ADARB2: variants seen among roughly 807,000 people sequenced by gnomAD.
The protein encoded by ADARB2 is inactive double-stranded RNA-specific editase B2.
ADARB2 carries 25 observed loss-of-function variants against 62.2 expected under a neutral mutation model. The observed-to-expected ratio is 0.40, with a 90% CI of 0.29 to 0.56. The LOEUF is 0.56. Ranked by LOEUF, ADARB2 falls within the 20% of genes least tolerant of loss-of-function variation. The pLI is 0.43. For synonymous variants in ADARB2, 572 were observed against 500.8 expected, an observed-to-expected ratio of 1.14 and a Z score of -1.90; for missense variants, 1,071 against 1,077.4, an observed-to-expected ratio of 0.99 and a Z score of 0.08.
chr10:1,408,486 G>A (rs1832726440), intron 1 of ADARB2, among the ~76,000 whole-genome samples: 1 of 152,062 alleles, frequency 6.6e-6, no homozygotes, highest in Admixed American at 6.5e-5. Flanking sequence ...GAGCGAAAGG[G>A]AGTCAAGAAT....
chr10:1,293,579 C>A (rs1589181669), intron 3 of ADARB2, among the ~76,000 whole-genome samples: 1 of 152,292 alleles, frequency 6.6e-6, no homozygotes, highest in African/African-American at 2.4e-5. Flanking sequence ...AACTATTATA[C>A]CAGTGGAAGT....
chr10:1,599,179 T>G (rs973575071), intron 1 of ADARB2, among the ~76,000 whole-genome samples: 3 of 152,208 alleles, frequency 2.0e-5, no homozygotes, highest in Admixed American at 2.0e-4. Context: ...CGGGCCATCC[T>G]CCCTGCAGCG....
At chr10:1,514,333 A>G (rs917181526) in intron 1 of ADARB2, among the ~76,000 whole-genome samples, 10 of 151,584 alleles carry the variant, frequency 6.6e-5, no homozygotes, top group South Asian at 2.1e-4. Context: ...TAAACCACAC[A>G]CTTCCACGGC....
intron 4 of ADARB2, among the ~76,000 whole-genome samples, chr10:1,251,048 A>G (rs7100066): frequency 0.24 from 36,604 of 152,202 alleles, 4,952 homozygotes; most frequent in Non-Finnish European, 0.3. Flanking sequence ...GAGAAATAAA[A>G]TTGCATCTTT....
At position 1,645,853 on chromosome 10, in the gene ADARB2, G is replaced by A. The variant is rs182197962; in HGVS notation, c.100+91198C>T. 3.0e-4 allele frequency among the ~76,000 whole-genome samples: 45 copies of A among 152,192 alleles called. 1 individual carries two copies. Among genetic ancestry groups the A allele is most frequent in the South Asian group, 1.7e-3 (8 of 4,812 alleles). ...TGCTCAAGACATCCCTTTTTCATCC[G>A]TCATTCTTCTTCATTTATCAGGTTT... On this transcript the variant is annotated intron_variant, in intron 1 of 9. Transcript: ENST00000381312.
chr10:1,219,154 C>T (rs1331903649), intron 6 of ADARB2, among the ~76,000 whole-genome samples: 2 of 152,134 alleles, frequency 1.3e-5, no homozygotes, highest in Non-Finnish European at 2.9e-5. Flanking sequence ...TGAGGCCTCC[C>T]CAGAAGCCAA....
At chr10:1,244,394 C>A (rs576354401) in intron 4 of ADARB2, among the ~76,000 whole-genome samples, 14 of 152,356 alleles carry the variant, frequency 9.2e-5, no homozygotes, top group African/African-American at 2.6e-4. Context: ...ACGGACAGCT[C>A]TTCAGGAATA....
intron 3 of ADARB2, among the ~76,000 whole-genome samples, chr10:1,319,456 CTG>C (rs1419941807): frequency 1.3e-5 from 2 of 152,132 alleles, no homozygotes; most frequent in African/African-American, 4.8e-5. Flanking sequence ...AAAATTTTCT[CTG>C]TATCAAAAAC....
In ADARB2 at chr10:1,554,928, C is replaced by T. The variant is rs186991844; in HGVS notation, c.101-175768G>A. On this transcript the variant is annotated intron_variant, in intron 1 of 9. Transcript: ENST00000381312. Reference sequence around the variant, plus strand: ...GGTCCATTGCTCCCATCTTTATATCCGTGAGTATCCAATGTTTACCTCCCA... The same window carrying T: ...GGTCCATTGCTCCCATCTTTATATCTGTGAGTATCCAATGTTTACCTCCCA... Among the ~76,000 whole-genome samples the T allele has an allele frequency of 1.7e-3, 252 of 152,192 alleles. 1 individual carries two copies. The highest frequency in any genetic ancestry group is 5.8e-3 in the African/African-American group (239 of 41,514).
rs1205020798 is a variant in ADARB2 at position 1,180,439 on chromosome 10, G to T, written c.*2754C>A. 1 of 152,528 alleles carries T rather than the reference G, an allele frequency of 6.6e-6. No individual in the cohort carries two copies. The highest frequency in any genetic ancestry group is 2.4e-5 in the African/African-American group (1 of 41,422). 9.4% of individuals were successfully genotyped at this position (152,528 alleles called of 1,614,324 possible). On this transcript the variant is annotated 3_prime_UTR_variant, in exon 10 of 10. Transcript: ENST00000381312. ...GGACCCGGGTCTTCCAGGCACACCT[G>T]GGGCTGTGGGAATCCTGGGACCTGG... is the stretch of plus-strand genomic sequence containing the variant.
intron 1 of ADARB2, among the ~76,000 whole-genome samples, chr10:1,391,268 A>G (rs1564277459): frequency 1.3e-5 from 2 of 151,040 alleles, no homozygotes; most frequent in East Asian, 3.9e-4. Context: ...GAAGACTGTG[A>G]CCCCCCCATA....
intron 1 of ADARB2, among the ~76,000 whole-genome samples, chr10:1,662,877 T>C (rs568856507): frequency 8.9e-4 from 135 of 152,362 alleles, no homozygotes; most frequent in Middle Eastern, 3.4e-3. Context: ...CGGCCACCTC[T>C]GCTCTGGTTT....
chr10:1,696,146 TTG>T (rs1162165887), intron 1 of ADARB2, among the ~76,000 whole-genome samples: 15 of 45,902 alleles, frequency 3.3e-4, no homozygotes, highest in South Asian at 9.8e-4. Flanking sequence ...CACATGTATA[TTG>T]TGTGTATGTG....
At chr10:1,329,929 CTTTTT>C (rs370355543) in intron 3 of ADARB2, among the ~76,000 whole-genome samples, 1,077 of 100,226 alleles carry the variant, frequency 0.011, 13 homozygotes, top group African/African-American at 0.032. Context: ...GAAGAAGTGC[CTTTTT>C]TTTTTTTTTT....
At chr10:1,329,929 C>CT (rs370355543) in intron 3 of ADARB2, among the ~76,000 whole-genome samples, 2,604 of 100,098 alleles carry the variant, frequency 0.026, 40 homozygotes, top group Non-Finnish European at 0.03. Flanking sequence ...GAAGAAGTGC[C>CT]TTTTTTTTTT....
At chr10:1,285,691 C>A (rs991777474) in intron 3 of ADARB2, among the ~76,000 whole-genome samples, 1 of 152,098 alleles carries the variant, frequency 6.6e-6, no homozygotes, top group East Asian at 1.9e-4. Flanking sequence ...CTATTGGCTC[C>A]GATTACCATG....
chr10:1,244,866 T>A lies in ADARB2; in HGVS notation c.1193-2567A>T, dbSNP rs1300785539. The stretch of plus-strand genomic sequence containing the variant: ...GCACGGATAGGAAAGGGCACAGGCA[T>A]ATTCTGCATAATCTGCGTATTCTAC... On this transcript the variant is annotated intron_variant, in intron 4 of 9. Transcript: ENST00000381312. Among the ~76,000 whole-genome samples the A allele has an allele frequency of 2.0e-5, 3 of 152,228 alleles. No individual in the cohort carries two copies. In the East Asian group the frequency reaches 5.8e-4, roughly 29 times the overall value.
At chr10:1,324,419 C>G (rs910900351) in intron 3 of ADARB2, among the ~76,000 whole-genome samples, 1 of 152,218 alleles carries the variant, frequency 6.6e-6, no homozygotes, top group Non-Finnish European at 1.5e-5. Context: ...TTTATGTTCA[C>G]ACAGAAAATT....
chr10:1,464,171 G>C (rs1226110083), intron 1 of ADARB2, among the ~76,000 whole-genome samples: 1 of 139,556 alleles, frequency 7.2e-6, no homozygotes, highest in Non-Finnish European at 1.6e-5. Flanking sequence ...CAGTCACAGC[G>C]GGCAGTGCGC....
Sources: gnomAD v4.1 joint callset for allele counts (sites outside exome capture counted in the v4.1 genomes callset) on GRCh38, gnomAD v4.1.1 for gene constraint, MANE v1.5 for transcripts, NCBI Gene and HGNC (gene_info 2026-07-23, HGNC 2026-07-21) for gene names.